The following LIPF variants were observed in gnomAD, a reference collection of about 807,000 sequenced individuals.
The protein encoded by LIPF is lipase F, gastric type, also known as gastric triacylglycerol lipase.
A neutral mutation model predicts 38.0 loss-of-function variants in LIPF; 25 were observed. That is an observed-to-expected ratio of 0.66 (90% confidence interval 0.48 to 0.92). The LOEUF is 0.92. Among genes scored for constraint, LIPF ranks in the 40% least tolerant of loss-of-function variants. The probability of loss-of-function intolerance (pLI) is 0.00; values close to 1 mark genes in which losing one functional copy is unlikely to be tolerated. For missense variants in LIPF, 410 were observed against 469.9 expected, an observed-to-expected ratio of 0.87 and a Z score of 1.18; for synonymous variants, 161 against 156.2, an observed-to-expected ratio of 1.03 and a Z score of -0.23.
At chr10:88,671,712 C>A (rs1226033745) in intron 5 of LIPF, 117 bp from the exon 6 acceptor site, 4 of 1,351,658 alleles carry the variant, frequency 3.0e-6, no homozygotes, top group African/African-American at 1.5e-5. Context: ...ATTTCTCAGG[C>A]TGTCTCAAAC....
intron 6 of LIPF, among the ~76,000 whole-genome samples, chr10:88,673,268 G>C (rs17333867): frequency 0.092 from 13,942 of 152,108 alleles, 713 homozygotes; most frequent in South Asian, 0.16. Context: ...ATGACAGTCT[G>C]TCATGTGTTT....
At position 88,677,817 on chromosome 10, in the gene LIPF, C is replaced by T. The variant is rs528370207; in HGVS notation, c.961-628C>T. On this transcript the variant is annotated intron_variant, in intron 9 of 9. Transcript: ENST00000238983. ...AAATCTATGTGTGAATTGTGATTTT[C>T]GAGAAACAGGACATGGGGATGATAA... 2.5e-3 allele frequency among the ~76,000 whole-genome samples: 387 copies of T among 152,212 alleles called. 4 individuals are homozygous for T. The highest frequency in any genetic ancestry group is 8.2e-3 in the African/African-American group (341 of 41,542).
intron 5 of LIPF, among the ~76,000 whole-genome samples, chr10:88,671,428 C>T (rs949225369): frequency 2.0e-5 from 3 of 152,058 alleles, no homozygotes; most frequent in African/African-American, 7.2e-5. Context: ...TACTCTTAAC[C>T]TTTCCACTTA....
intron 9 of LIPF, 93 bp from the exon 10 acceptor site, chr10:88,678,352 C>A: frequency 2.2e-6 from 2 of 906,952 alleles, no homozygotes; most frequent in Non-Finnish European, 3.7e-6. Context: ...CTTATAAAAC[C>A]GCCAGTTAAT....
intron 2 of LIPF, 25 bp downstream of exon 2, chr10:88,667,427 T>C (rs751141498): frequency 6.1e-5 from 82 of 1,344,768 alleles, no homozygotes; most frequent in Non-Finnish European, 8.0e-5. Context: ...GGAAAAACTC[T>C]ATAAAACTAA....
At chr10:88,673,813 T>G (rs1457105008) in intron 7 of LIPF, 79 bp downstream of exon 7, 3 of 1,160,192 alleles carry the variant, frequency 2.6e-6, no homozygotes. Context: ...AGTGGTACTT[T>G]ATGAGAACTA....
intron 5 of LIPF, 68 bp downstream of exon 5, chr10:88,670,014 C>A: frequency 1.0e-6 from 1 of 964,276 alleles, no homozygotes; most frequent in Non-Finnish European, 1.6e-6. Context: ...TTATGGTAGG[C>A]ATGTTAGCAA....
chr10:88,672,932 A>C (rs1841627134), intron 6 of LIPF, among the ~76,000 whole-genome samples: 1 of 152,176 alleles, frequency 6.6e-6, no homozygotes, highest in Non-Finnish European at 1.5e-5. Flanking sequence ...TCATACTCAG[A>C]TTTTCTGATA....
chr10:88,672,091 C>T (rs1262904830), intron 6 of LIPF, 126 bp downstream of exon 6: 18 of 896,352 alleles, frequency 2.0e-5, no homozygotes, highest in South Asian at 1.4e-4. Context: ...TGGAACTGTT[C>T]GCATCTGTAT....
chr10:88,675,223 T>C (rs1841667478), intron 7 of LIPF, among the ~76,000 whole-genome samples: 1 of 152,184 alleles, frequency 6.6e-6, no homozygotes, highest in East Asian at 1.9e-4. Context: ...TACAGCACTC[T>C]AGCACTGGGT....
At chr10:88,667,433 ACT>A in intron 2 of LIPF, 31 bp downstream of exon 2, 1 of 1,280,578 alleles carries the variant, frequency 7.8e-7, no homozygotes, top group East Asian at 2.3e-5. Flanking sequence ...ACTCTATAAA[ACT>A]AAAAGATGCT....
At chr10:88,665,938 C>T (rs1841506514) in intron 1 of LIPF, among the ~76,000 whole-genome samples, 2 of 151,910 alleles carry the variant, frequency 1.3e-5, no homozygotes, top group Non-Finnish European at 2.9e-5. Context: ...GTGGTTTCAC[C>T]GTGTTAGCCA....
At chr10:88,666,536 T>C (rs1338653501) in intron 1 of LIPF, among the ~76,000 whole-genome samples, 3 of 152,140 alleles carry the variant, frequency 2.0e-5, no homozygotes, top group Admixed American at 2.0e-4. Flanking sequence ...TAGAAGGAAG[T>C]TCAGGTGTTG....
rs542367371 is a variant in LIPF, at chr10:88,669,661, T to C, written c.423-176T>C. ...TGCTGCGCTTCAGAAATGATGTCAG[T>C]TGTTTATAAGAAGCTGCCCCAAAGG... On this transcript the variant is annotated intron_variant, in intron 4 of 9. Coordinates refer to ENST00000238983, the MANE Select transcript of LIPF (RefSeq NM_004190.4). The C allele has an allele frequency of 1.2e-3, 579 of 498,122 alleles. 1 individual carries two copies. Among genetic ancestry groups the C allele is most frequent in the Non-Finnish European group, 1.4e-3 (391 of 277,594 alleles). The allele number at this position is 498,122 out of a possible 1,614,324, so 30.9% of individuals were successfully genotyped here. A position where few individuals can be genotyped will look rare whatever the true frequency, so the allele number is the denominator to read the frequency against.
chr10:88,667,774 A>G (rs1412015353), intron 3 of LIPF, 88 bp downstream of exon 3: 2 of 613,806 alleles, frequency 3.3e-6, no homozygotes, highest in Non-Finnish European at 5.8e-6. Flanking sequence ...TCTTCCTCCA[A>G]CTTTTCCTTC....
chr10:88,665,596 C>G, intron 1 of LIPF: 1 of 1,498,832 alleles, frequency 6.7e-7, no homozygotes, highest in Non-Finnish European at 9.0e-7. Flanking sequence ...TGGCAAATCA[C>G]TTAATGGAGG....
At chr10:88,678,342 C>T (rs1841718616) in intron 9 of LIPF, 103 bp from the exon 10 acceptor site, 5 of 851,888 alleles carry the variant, frequency 5.9e-6, no homozygotes, top group Middle Eastern at 2.2e-4. Flanking sequence ...CTAGAATTCA[C>T]TTATAAAACC....
intron 9 of LIPF, among the ~76,000 whole-genome samples, chr10:88,676,582 C>T (rs1353967401): frequency 6.6e-6 from 1 of 152,220 alleles, no homozygotes; most frequent in African/African-American, 2.4e-5. Flanking sequence ...ACTGTCCTCT[C>T]CTTTCTGAAG....
At chr10:88,673,428 G>A (rs1841634384) in intron 6 of LIPF, among the ~76,000 whole-genome samples, 160 bp from the exon 7 acceptor site, 1 of 152,112 alleles carries the variant, frequency 6.6e-6, no homozygotes. Flanking sequence ...CTTTATTAGG[G>A]AATTAACTAA....
Sources: gnomAD v4.1 joint callset for allele counts (sites outside exome capture counted in the v4.1 genomes callset) on GRCh38, gnomAD v4.1.1 for gene constraint, MANE v1.5 for transcripts, NCBI Gene and HGNC (gene_info 2026-07-23, HGNC 2026-07-21) for gene names.